The following CENPP variants were observed in gnomAD, a reference collection of about 807,000 sequenced individuals.
CENPP encodes the protein centromere protein P.
CENPP carries 24 observed loss-of-function variants against 35.6 expected under a neutral mutation model. The observed-to-expected ratio is 0.67, with a 90% CI of 0.49 to 0.95. CENPP has a LOEUF of 0.95. CENPP is among the 40% of genes least tolerant of loss of function. CENPP has a pLI of 0.00. For missense variants in CENPP, 332 were observed against 345.3 expected (o/e 0.96, Z 0.31); for synonymous variants, 120 against 125.5 (o/e 0.96, Z 0.29).
At chr9:92,390,015 C>T (rs1000961559) in intron 5 of CENPP, 2 of 1,607,162 alleles carry the variant, frequency 1.2e-6, no homozygotes, top group Non-Finnish European at 1.7e-6. Flanking sequence ...TCTTCTATAT[C>T]TTCTATCAAA....
At chr9:92,340,030 G>C (rs1841061257) in intron 3 of CENPP, 1 of 153,686 alleles carries the variant, frequency 6.5e-6, no homozygotes, top group South Asian at 2.1e-4. Context: ...ATAATCCTAT[G>C]GTCCACTACC....
chr9:92,511,509 T>A (rs1276874472), intron 5 of CENPP, among the ~76,000 whole-genome samples: 4 of 152,006 alleles, frequency 2.6e-5, no homozygotes, highest in Non-Finnish European at 5.9e-5. Context: ...TTCTCTCTCT[T>A]TCCCTCTTCT....
chr9:92,578,089 T>G (rs1253626992), intron 5 of CENPP, among the ~76,000 whole-genome samples: 1 of 151,932 alleles, frequency 6.6e-6, no homozygotes, highest in Non-Finnish European at 1.5e-5. Flanking sequence ...TGAGAATGAT[T>G]ATTTCCAATT....
chr9:92,344,382 C>T (rs1033655723), intron 3 of CENPP, among the ~76,000 whole-genome samples: 44 of 152,082 alleles, frequency 2.9e-4, no homozygotes, highest in Admixed American at 2.8e-3. Flanking sequence ...TTTTGCTTTC[C>T]TTTTCCTTTC....
At chr9:92,546,486 A>C (rs1229100224) in intron 5 of CENPP, among the ~76,000 whole-genome samples, 1 of 152,146 alleles carries the variant, frequency 6.6e-6, no homozygotes, top group Non-Finnish European at 1.5e-5. Flanking sequence ...CCACGAACCC[A>C]CTGGGAGAAA....
intron 5 of CENPP, among the ~76,000 whole-genome samples, chr9:92,449,437 C>CAAAAA (rs56218626): frequency 4.2e-4 from 23 of 54,956 alleles, no homozygotes; most frequent in East Asian, 5.8e-4. Flanking sequence ...ACTCTATCTC[C>CAAAAA]AAAAAAAAAA....
rs76050317 is a variant in CENPP at position 92,374,324 on chromosome 9, C to T, written c.468-5439C>T. ...GGTTCAAGTGATTCTCCTGTCTCAG[C>T]CTCCCAAGCAGCTGGGATTACAGGC... On this transcript the variant is annotated intron_variant, in intron 4 of 7. Transcript: ENST00000375587. 4.3e-3 allele frequency among the ~76,000 whole-genome samples: 643 copies of T among 149,132 alleles called. 4 individuals are homozygous for T. The highest frequency in any genetic ancestry group is 0.014 in the African/African-American group (554 of 40,818).
intron 5 of CENPP, chr9:92,514,517 TG>T (rs996315304): frequency 2.9e-6 from 4 of 1,371,954 alleles, no homozygotes; most frequent in Middle Eastern, 2.0e-4. Context: ...TCAGGTGATC[TG>T]GCCACCTCAG....
At chr9:92,418,445 T>A (rs1379495740) in intron 5 of CENPP, among the ~76,000 whole-genome samples, 1 of 152,008 alleles carries the variant, frequency 6.6e-6, no homozygotes, top group African/African-American at 2.4e-5. Context: ...AAGTCTGGTA[T>A]ACTAGACTTT....
At chr9:92,450,277 G>A (rs1259352792) in intron 5 of CENPP, among the ~76,000 whole-genome samples, 1 of 134,884 alleles carries the variant, frequency 7.4e-6, no homozygotes, top group African/African-American at 2.9e-5. Context: ...CCCAGAGTGT[G>A]ATGTTCCCCT....
intron 5 of CENPP, chr9:92,515,158 T>A (rs1163680469): frequency 6.2e-7 from 1 of 1,608,740 alleles, no homozygotes; most frequent in African/African-American, 1.3e-5. Flanking sequence ...ACCAGAAAAT[T>A]CATTTCTATC....
Position 92,326,030 on chromosome 9 carries a change from T to G in CENPP, c.32T>G (p.Leu11Trp). The G allele has an allele frequency of 6.4e-7, 1 of 1,558,300 alleles. No homozygotes were observed. Residue 11 changes from leucine to tryptophan, a missense_variant, in exon 1 of 8, where the codon TTG becomes TGG. Coordinates refer to ENST00000375587, the MANE Select transcript of CENPP (RefSeq NM_001012267.3). ...GCAGAGCTGGCAGAGGTGCGCGCCT[T>G]GCAAGCTGAGATCGCGGCCCTGCGG... is the stretch of plus-strand genomic sequence containing the variant. MDAELAEVRA[L>W]QAEIAALRRA...
intron 5 of CENPP, chr9:92,510,165 C>T: frequency 1.1e-6 from 1 of 920,898 alleles, no homozygotes; most frequent in Non-Finnish European, 1.5e-6. Context: ...GTCCAGGCCA[C>T]ACAGCAAACC....
chr9:92,594,324 C>T (rs987207201), intron 5 of CENPP, among the ~76,000 whole-genome samples: 1 of 152,150 alleles, frequency 6.6e-6, no homozygotes, highest in Non-Finnish European at 1.5e-5. Context: ...TTGAGAAAGG[C>T]ACCTTGAGTA....
chr9:92,332,787 G>T (rs1162017211), intron 2 of CENPP, among the ~76,000 whole-genome samples: 1 of 150,412 alleles, frequency 6.6e-6, no homozygotes, highest in Non-Finnish European at 1.5e-5. Context: ...CACCCTGGGG[G>T]ACAGAGCAAG....
At chr9:92,411,722 G>A (rs1295832285) in intron 5 of CENPP, among the ~76,000 whole-genome samples, 1 of 152,130 alleles carries the variant, frequency 6.6e-6, no homozygotes, top group East Asian at 1.9e-4. Context: ...AAAAAGGAAG[G>A]GTTTTCAATC....
At chr9:92,408,366 A>T (rs1349233511) in intron 5 of CENPP, among the ~76,000 whole-genome samples, 1 of 152,028 alleles carries the variant, frequency 6.6e-6, no homozygotes, top group African/African-American at 2.4e-5. Flanking sequence ...TTATGTTGTC[A>T]GTAGAGACAG....
At chr9:92,459,560 G>GGT in intron 5 of CENPP, 1 of 1,439,744 alleles carries the variant, frequency 6.9e-7, no homozygotes, top group Non-Finnish European at 9.6e-7. Flanking sequence ...CTTTGCTTGA[G>GGT]GTGTGCTAAA....
At chr9:92,474,593 T>C in intron 5 of CENPP, 1 of 1,588,050 alleles carries the variant, frequency 6.3e-7, no homozygotes, top group Non-Finnish European at 8.5e-7. Flanking sequence ...GCATTACTAT[T>C]CTTCAAAACA....
Sources: gnomAD v4.1 joint callset for allele counts (sites outside exome capture counted in the v4.1 genomes callset) on GRCh38, gnomAD v4.1.1 for gene constraint, MANE v1.5 for transcripts, NCBI Gene and HGNC (gene_info 2026-07-23, HGNC 2026-07-21) for gene names.